ESRRG: variants seen among roughly 807,000 people sequenced by gnomAD.
ESRRG encodes the protein estrogen related receptor gamma, also known as estrogen-related receptor gamma.
Under a neutral mutation model 44.0 loss-of-function variants are expected in ESRRG, and 13 were observed. That is an observed-to-expected ratio of 0.30 (90% CI 0.19 to 0.47). ESRRG has a LOEUF of 0.47. Among genes scored for constraint, ESRRG ranks in the 20% least tolerant of loss-of-function variants. ESRRG has a pLI of 1.00. For missense variants in ESRRG, 395 were observed against 580.6 expected, an observed-to-expected ratio of 0.68 and a Z score of 3.29; for synonymous variants, 215 against 214.6, an observed-to-expected ratio of 1.00 and a Z score of -0.02.
At chr1:216,902,112 T>G (rs2059146484) in intron 2 of ESRRG, among the ~76,000 whole-genome samples, 1 of 152,220 alleles carries the variant, frequency 6.6e-6, no homozygotes, top group Non-Finnish European at 1.5e-5. Flanking sequence ...TCCCAACTGC[T>G]ATTTCCTAAG....
At chr1:217,003,929 T>C (rs1220969965) in intron 1 of ESRRG, among the ~76,000 whole-genome samples, 1 of 151,774 alleles carries the variant, frequency 6.6e-6, no homozygotes, top group Non-Finnish European at 1.5e-5. Flanking sequence ...ATTAACTGAG[T>C]TTGTGACCTC....
chr1:217,115,358 G>T (rs2092710872), intron 1 of ESRRG, among the ~76,000 whole-genome samples: 1 of 152,056 alleles, frequency 6.6e-6, no homozygotes, highest in South Asian at 2.1e-4. Context: ...ATCCAGAACA[G>T]CCCCTTCCTG....
At chr1:216,759,910 C>T (rs1167174576) in intron 2 of ESRRG, among the ~76,000 whole-genome samples, 1 of 152,140 alleles carries the variant, frequency 6.6e-6, no homozygotes, top group African/African-American at 2.4e-5. Context: ...TAGCCTAGTA[C>T]ATTATCATCC....
At chr1:216,812,241 C>G (rs918565998) in intron 2 of ESRRG, among the ~76,000 whole-genome samples, 1 of 151,884 alleles carries the variant, frequency 6.6e-6, no homozygotes, top group Non-Finnish European at 1.5e-5. Flanking sequence ...TTTTTTTAAC[C>G]TTGTCTGTTT....
intron 3 of ESRRG, among the ~76,000 whole-genome samples, chr1:216,626,526 T>C (rs1011985265): frequency 4.6e-5 from 7 of 152,214 alleles, no homozygotes; most frequent in African/African-American, 1.7e-4. Flanking sequence ...GCTATATGCA[T>C]ACCTTCTCCC....
At chr1:216,686,689 A>G (rs2078045622) in intron 1 of ESRRG, among the ~76,000 whole-genome samples, 1 of 152,060 alleles carries the variant, frequency 6.6e-6, no homozygotes, top group East Asian at 1.9e-4. Flanking sequence ...CTCCTTTCCC[A>G]GGGAGCCCTG....
chr1:216,865,475 T>C (rs2096139048), intron 2 of ESRRG, among the ~76,000 whole-genome samples: 2 of 152,048 alleles, frequency 1.3e-5, no homozygotes, highest in South Asian at 4.2e-4. Flanking sequence ...TTACAAAGTA[T>C]GCTGTAGTGG....
In ESRRG at chr1:216,958,852, G is replaced by A. The variant is rs113043149; in HGVS notation, c.-105-19179C>T. Among the ~76,000 whole-genome samples the A allele has an allele frequency of 4.4e-3, 673 of 152,148 alleles. 9 individuals are homozygous for A. The highest frequency in any genetic ancestry group is 0.015 in the African/African-American group (641 of 41,508). The stretch of plus-strand genomic sequence containing the variant: ...ACCTCTCAGAGCTCCTGTTCCCTCT[G>A]CAGGGATTTTCTTGTCCCAGAGATC... On this transcript the variant is annotated intron_variant, in intron 1 of 7. Transcript: ENST00000359162.
intron 2 of ESRRG, among the ~76,000 whole-genome samples, chr1:216,903,379 G>T (rs1306304881): frequency 6.6e-6 from 1 of 151,920 alleles, no homozygotes; most frequent in Non-Finnish European, 1.5e-5. Flanking sequence ...GTGTGTGTTT[G>T]TGTGTCTGTG....
At chr1:216,706,910 G>GA (rs2151931237) in intron 1 of ESRRG, among the ~76,000 whole-genome samples, 1 of 152,268 alleles carries the variant, frequency 6.6e-6, no homozygotes, top group East Asian at 1.9e-4. Flanking sequence ...TGCATCCACT[G>GA]AAGAGATGCT....
chr1:217,109,783 C>A (rs544376775), intron 1 of ESRRG, among the ~76,000 whole-genome samples: 2 of 152,180 alleles, frequency 1.3e-5, no homozygotes, highest in African/African-American at 4.8e-5. Context: ...GTGAATGTGG[C>A]AAAGTTACAA....
At chr1:216,768,906 C>G (rs552284098) in intron 2 of ESRRG, among the ~76,000 whole-genome samples, 1 of 151,952 alleles carries the variant, frequency 6.6e-6, no homozygotes, top group African/African-American at 2.4e-5. Context: ...GGAATTAAAT[C>G]CCCCCCATAT....
At chr1:216,725,655 A>G (rs1323769231), upstream of ESRRG, among the ~76,000 whole-genome samples, 1 of 152,160 alleles carries the variant, frequency 6.6e-6, no homozygotes, top group East Asian at 1.9e-4. Flanking sequence ...TTCTCAGGGT[A>G]ATTAATAGAT....
At chr1:216,699,888 C>G (rs764362911) in intron 1 of ESRRG, among the ~76,000 whole-genome samples, 4 of 152,180 alleles carry the variant, frequency 2.6e-5, no homozygotes, top group Non-Finnish European at 5.9e-5. Flanking sequence ...ACTAGAAAGC[C>G]TCGCCTATGG....
chr1:217,081,778 G>A (rs1050404864), intron 1 of ESRRG, among the ~76,000 whole-genome samples: 1 of 151,988 alleles, frequency 6.6e-6, no homozygotes, highest in Non-Finnish European at 1.5e-5. Flanking sequence ...CTTGTACCCT[G>A]GGCATATTTT....
At chr1:217,107,266 CT>C (rs2092608811) in intron 1 of ESRRG, among the ~76,000 whole-genome samples, 1 of 152,216 alleles carries the variant, frequency 6.6e-6, no homozygotes, top group Non-Finnish European at 1.5e-5. Context: ...ATAAGATTCC[CT>C]TTCTAATGTT....
intron 3 of ESRRG, among the ~76,000 whole-genome samples, chr1:216,612,653 T>C (rs1174843620): frequency 6.6e-6 from 1 of 152,106 alleles, no homozygotes; most frequent in East Asian, 1.9e-4. Context: ...ATTTCACTCA[T>C]AGTAACATCA....
chr1:217,131,690 C>T (rs1319804558), intron 1 of ESRRG, among the ~76,000 whole-genome samples: 2 of 152,160 alleles, frequency 1.3e-5, no homozygotes, highest in African/African-American at 2.4e-5. Context: ...AAATGCTCAG[C>T]CAGAATACAG....
intron 2 of ESRRG, among the ~76,000 whole-genome samples, chr1:216,801,405 C>G (rs547936608): frequency 2.0e-5 from 3 of 152,100 alleles, no homozygotes; most frequent in Non-Finnish European, 4.4e-5. Context: ...CTACTACTAC[C>G]TACCCCATTT....
Sources: gnomAD v4.1 joint callset for allele counts (sites outside exome capture counted in the v4.1 genomes callset) on GRCh38, gnomAD v4.1.1 for gene constraint, MANE v1.5 for transcripts, NCBI Gene and HGNC (gene_info 2026-07-23, HGNC 2026-07-21) for gene names.